Variants in NTRK3 observed in about 807,000 individuals in gnomAD.
NTRK3 encodes the protein neurotrophic receptor tyrosine kinase 3.
NTRK3 carries 24 observed loss-of-function variants against 91.7 expected under a neutral mutation model. The ratio of observed to expected loss-of-function variants is 0.26; its 90% confidence interval spans 0.19 to 0.37. NTRK3 has a LOEUF of 0.37. Among genes scored for constraint, NTRK3 ranks in the 10% least tolerant of loss-of-function variants. The pLI is 1.00. For missense variants in NTRK3, 880 were observed against 1,068.9 expected (o/e 0.82, Z 2.46); for synonymous variants, 483 against 404.0 (o/e 1.20, Z -2.34).
intron 13 of NTRK3, among the ~76,000 whole-genome samples, chr15:88,043,256 G>A (rs2079832283): frequency 6.6e-6 from 1 of 152,210 alleles, no homozygotes; most frequent in East Asian, 1.9e-4. Flanking sequence ...GCATCAACAG[G>A]AAGTGAGTAG....
intron 13 of NTRK3, among the ~76,000 whole-genome samples, chr15:88,121,726 C>T (rs925672668): frequency 1.3e-5 from 2 of 152,222 alleles, no homozygotes; most frequent in Non-Finnish European, 2.9e-5. Flanking sequence ...GTGGGGACCT[C>T]CAGGGCCCTG....
chr15:88,059,882 C>CAGGA (rs1442075186), intron 13 of NTRK3, among the ~76,000 whole-genome samples: 2 of 152,146 alleles, frequency 1.3e-5, no homozygotes, highest in Non-Finnish European at 2.9e-5. Context: ...CTTAGAAGAA[C>CAGGA]AGGAGTTTAG....
intron 13 of NTRK3, among the ~76,000 whole-genome samples, chr15:88,078,458 T>C (rs556297034): frequency 1.3e-5 from 2 of 152,352 alleles, no homozygotes; most frequent in East Asian, 3.9e-4. Context: ...AAGACCAGCC[T>C]GGCCAACATG....
At chr15:88,238,582 ATCTT>A (rs1173907091) in intron 3 of NTRK3, among the ~76,000 whole-genome samples, 1 of 152,194 alleles carries the variant, frequency 6.6e-6, no homozygotes, top group Non-Finnish European at 1.5e-5. Flanking sequence ...CCACGATTTT[ATCTT>A]TCTGTCTATA....
intron 13 of NTRK3, among the ~76,000 whole-genome samples, chr15:88,060,765 G>A (rs750819629): frequency 3.9e-5 from 6 of 152,140 alleles, no homozygotes; most frequent in Non-Finnish European, 8.8e-5. Context: ...CCAGTCACAG[G>A]CTATTTTCAT....
At chr15:88,093,787 G>C (rs1684646) in intron 13 of NTRK3, among the ~76,000 whole-genome samples, 1 of 151,854 alleles carries the variant, frequency 6.6e-6, no homozygotes, top group Non-Finnish European at 1.5e-5. Context: ...GCCTCAAGCA[G>C]GGGTTGTAAC....
chr15:88,017,281 G>T (rs983471154), intron 14 of NTRK3, among the ~76,000 whole-genome samples: 1 of 152,178 alleles, frequency 6.6e-6, no homozygotes, highest in Non-Finnish European at 1.5e-5. Flanking sequence ...GATGTTAGAA[G>T]CTCAGCCCAA....
intron 17 of NTRK3, among the ~76,000 whole-genome samples, chr15:87,889,396 CTTTTTTTTTTT>C (rs568030482): frequency 3.1e-5 from 3 of 95,632 alleles, no homozygotes; most frequent in Non-Finnish European, 5.6e-5. Context: ...TTATTAGTTC[CTTTTTTTTTTT>C]TTTTTTTTTT....
chr15:87,969,133 G>A (rs906966705), intron 14 of NTRK3, among the ~76,000 whole-genome samples: 1 of 152,092 alleles, frequency 6.6e-6, no homozygotes, highest in South Asian at 2.1e-4. Flanking sequence ...TCTTTCAGAG[G>A]GAACGAATGA....
chr15:88,248,685 A>C (rs1567716258), intron 3 of NTRK3, among the ~76,000 whole-genome samples: 1 of 152,166 alleles, frequency 6.6e-6, no homozygotes, highest in Non-Finnish European at 1.5e-5. Flanking sequence ...CTCTGCACTC[A>C]GTTTCCCCAT....
intron 17 of NTRK3, among the ~76,000 whole-genome samples, chr15:87,921,770 C>G (rs2067896401): frequency 6.6e-6 from 1 of 152,032 alleles, no homozygotes; most frequent in African/African-American, 2.4e-5. Flanking sequence ...CAAAGAGGAG[C>G]AATGAGCAGC....
intron 13 of NTRK3, among the ~76,000 whole-genome samples, chr15:88,114,800 T>C (rs1307611336): frequency 6.6e-6 from 1 of 152,232 alleles, no homozygotes; most frequent in Non-Finnish European, 1.5e-5. Flanking sequence ...TTTTATACTA[T>C]TAGGTTTTCT....
At chr15:88,016,930 G>T (rs1160369570) in intron 14 of NTRK3, among the ~76,000 whole-genome samples, 1 of 118,676 alleles carries the variant, frequency 8.4e-6, no homozygotes, top group Non-Finnish European at 1.6e-5. Flanking sequence ...CTTTCAGACA[G>T]AGGTTAAAAT....
chr15:88,130,290 C>T (rs1367051302), intron 10 of NTRK3, among the ~76,000 whole-genome samples: 1 of 152,024 alleles, frequency 6.6e-6, no homozygotes, highest in African/African-American at 2.4e-5. Context: ...CTCTTCCTTA[C>T]AAGAGAATTC....
At chr15:88,044,010 G>A (rs1376293158) in intron 13 of NTRK3, among the ~76,000 whole-genome samples, 2 of 152,148 alleles carry the variant, frequency 1.3e-5, no homozygotes, top group African/African-American at 2.4e-5. Context: ...AAAAGTCAGA[G>A]TGATGATCTG....
intron 14 of NTRK3, among the ~76,000 whole-genome samples, chr15:87,944,473 C>T (rs1306584582): frequency 6.6e-6 from 1 of 152,172 alleles, no homozygotes; most frequent in Non-Finnish European, 1.5e-5. Flanking sequence ...TTATTACACC[C>T]CTTTCACAGG....
chr15:88,232,971 GGGGGC>G (rs2051341792), intron 3 of NTRK3, among the ~76,000 whole-genome samples: 3 of 152,168 alleles, frequency 2.0e-5, no homozygotes, highest in Non-Finnish European at 4.4e-5. Flanking sequence ...GCAGGGCTGA[GGGGGC>G]ACCTCCACCC....
intron 3 of NTRK3, among the ~76,000 whole-genome samples, chr15:88,213,221 C>T (rs996005489): frequency 2.0e-5 from 3 of 152,168 alleles, no homozygotes; most frequent in Non-Finnish European, 4.4e-5. Flanking sequence ...CCATCATTCC[C>T]GTTTCACACA....
At chr15:87,949,602 A>C (rs1213847640) in intron 14 of NTRK3, among the ~76,000 whole-genome samples, 1 of 152,272 alleles carries the variant, frequency 6.6e-6, no homozygotes. Flanking sequence ...GCTGAGGCTG[A>C]AGTTCAGAAG....
Sources: gnomAD v4.1 joint callset for allele counts (sites outside exome capture counted in the v4.1 genomes callset) on GRCh38, gnomAD v4.1.1 for gene constraint, MANE v1.5 for transcripts, NCBI Gene and HGNC (gene_info 2026-07-23, HGNC 2026-07-21) for gene names.